SGMS1: variants seen among roughly 807,000 people sequenced by gnomAD.
SGMS1 encodes the protein phosphatidylcholine:ceramide cholinephosphotransferase 1.
In SGMS1, 13 loss-of-function variants were observed where a neutral mutation model predicts 46.2. The observed-to-expected ratio is 0.28, with a 90% CI of 0.18 to 0.45. The LOEUF (loss-of-function observed/expected upper bound fraction) is 0.45, where lower values mean the gene tolerates loss of function less well. Ranked by LOEUF, SGMS1 falls within the 20% of genes least tolerant of loss-of-function variation. The pLI is 1.00. For synonymous variants in SGMS1, 203 were observed against 187.8 expected, an observed-to-expected ratio of 1.08 and a Z score of -0.66; for missense variants, 324 against 519.9, an observed-to-expected ratio of 0.62 and a Z score of 3.66.
chr10:50,456,596 C>G (rs1229488409), intron 5 of SGMS1, among the ~76,000 whole-genome samples: 1 of 152,090 alleles, frequency 6.6e-6, no homozygotes, highest in East Asian at 1.9e-4. Context: ...TCTTTGGTTT[C>G]AGGAAAAGTC....
chr10:50,310,248 T>A (rs1847233498), intron 9 of SGMS1, among the ~76,000 whole-genome samples: 1 of 152,148 alleles, frequency 6.6e-6, no homozygotes, highest in African/African-American at 2.4e-5. Context: ...GCAAAGCATC[T>A]CCCTCCTCTG....
upstream of SGMS1, chr10:50,624,041 G>A (rs1838886404): frequency 1.0e-6 from 1 of 985,400 alleles, no homozygotes; most frequent in African/African-American, 1.7e-5. Context: ...ACTGCGGCCG[G>A]GGGGGCGGGC....
intron 2 of SGMS1, among the ~76,000 whole-genome samples, chr10:50,574,637 T>C (rs1229243613): frequency 6.6e-6 from 1 of 152,168 alleles, no homozygotes; most frequent in African/African-American, 2.4e-5. Flanking sequence ...CTTGTGGGTA[T>C]ATATCCAAAA....
intron 6 of SGMS1, among the ~76,000 whole-genome samples, chr10:50,372,904 C>T (rs1358998683): frequency 6.6e-6 from 1 of 151,428 alleles, no homozygotes; most frequent in Non-Finnish European, 1.5e-5. Context: ...TTATTCTTTG[C>T]TATAAGAAAA....
upstream of SGMS1, chr10:50,624,727 C>T (rs572434933): frequency 7.8e-5 from 77 of 985,428 alleles, 1 homozygote; most frequent in South Asian, 3.1e-3. Context: ...TTTTCCTCTG[C>T]TCCCCGAGCG....
At chr10:50,408,431 TAAAA>T (rs71029307) in intron 6 of SGMS1, among the ~76,000 whole-genome samples, 2 of 95,206 alleles carry the variant, frequency 2.1e-5, no homozygotes, top group South Asian at 3.8e-4. Flanking sequence ...CCTCATCTCT[TAAAA>T]AAAAAAAAAA....
chr10:50,377,730 T>C (rs1389834170), intron 6 of SGMS1, among the ~76,000 whole-genome samples: 1 of 152,132 alleles, frequency 6.6e-6, no homozygotes, highest in Admixed American at 6.5e-5. Flanking sequence ...AGGCCAGAAG[T>C]CTGAAATCAA....
intron 1 of SGMS1, among the ~76,000 whole-genome samples, chr10:50,622,099 C>T (rs909018057): frequency 2.0e-5 from 3 of 152,220 alleles, no homozygotes; most frequent in African/African-American, 7.2e-5. Flanking sequence ...TGCTTGCTTG[C>T]TTGCTTGCTT....
chr10:50,450,582 A>C (rs2133659956), intron 5 of SGMS1, among the ~76,000 whole-genome samples: 1 of 152,320 alleles, frequency 6.6e-6, no homozygotes, highest in East Asian at 1.9e-4. Flanking sequence ...GCTATTAGTT[A>C]CCTAATTTGT....
intron 6 of SGMS1, among the ~76,000 whole-genome samples, chr10:50,396,917 C>A (rs4312019): frequency 0.7 from 106,949 of 152,036 alleles, 37,829 homozygotes; most frequent in Middle Eastern, 0.81. Context: ...TGTGGTGAAC[C>A]GGCGGTGTTA....
chr10:50,537,699 A>G (rs943493352), intron 2 of SGMS1, among the ~76,000 whole-genome samples: 1 of 147,574 alleles, frequency 6.8e-6, no homozygotes. Flanking sequence ...CAGTGGGACT[A>G]CATGCTGGTA....
chr10:50,346,866 A>G (rs901253463), intron 6 of SGMS1, among the ~76,000 whole-genome samples: 1 of 152,008 alleles, frequency 6.6e-6, no homozygotes, highest in Non-Finnish European at 1.5e-5. Flanking sequence ...TATCTGGCTA[A>G]TTTTTAAAAT....
chr10:50,350,987 A>T (rs10763357), intron 6 of SGMS1, among the ~76,000 whole-genome samples: 1 of 151,774 alleles, frequency 6.6e-6, no homozygotes, highest in African/African-American at 2.4e-5. Context: ...TGCACCATGC[A>T]CCTGGAAAAG....
intron 6 of SGMS1, among the ~76,000 whole-genome samples, chr10:50,354,246 T>C (rs34497759): frequency 3.9e-5 from 6 of 152,008 alleles, no homozygotes; most frequent in African/African-American, 1.2e-4. Flanking sequence ...AACAGAGATA[T>C]AGACCAATGG....
At chr10:50,349,858 T>C (rs1206613586) in intron 6 of SGMS1, among the ~76,000 whole-genome samples, 1 of 152,236 alleles carries the variant, frequency 6.6e-6, no homozygotes, top group Non-Finnish European at 1.5e-5. Flanking sequence ...GTCTTGGGTA[T>C]GTCTTTATCA....
chr10:50,479,527 T>A (rs1171935491), intron 3 of SGMS1, among the ~76,000 whole-genome samples: 1 of 152,212 alleles, frequency 6.6e-6, no homozygotes, highest in East Asian at 1.9e-4. Flanking sequence ...CTAAATTTTT[T>A]ATATTCTCCT....
chr10:50,570,856 T>C (rs1032189518), intron 2 of SGMS1, among the ~76,000 whole-genome samples: 2 of 152,214 alleles, frequency 1.3e-5, no homozygotes, highest in African/African-American at 4.8e-5. Context: ...GGGGATCACT[T>C]GAGCTCAGGC....
chr10:50,402,515 G>A (rs1318892980), intron 6 of SGMS1, among the ~76,000 whole-genome samples: 1 of 152,132 alleles, frequency 6.6e-6, no homozygotes, highest in African/African-American at 2.4e-5. Context: ...AGAAAATACT[G>A]CACAGTATTG....
chr10:50,502,316 A>AAAC (rs1296029270), intron 3 of SGMS1, among the ~76,000 whole-genome samples: 1 of 151,166 alleles, frequency 6.6e-6, no homozygotes, highest in Non-Finnish European at 1.5e-5. Context: ...GAAAAAAAAA[A>AAAC]AAAAAAACCA....
Sources: allele counts gnomAD v4.1 joint callset (sites outside exome capture counted in the v4.1 genomes callset), GRCh38; gene constraint gnomAD v4.1.1; transcripts MANE v1.5; gene names NCBI Gene and HGNC (gene_info 2026-07-23, HGNC 2026-07-21).